The following PARP16 variants were observed in gnomAD, a reference collection of about 807,000 sequenced individuals.
The protein encoded by PARP16 is poly(ADP-ribose) polymerase family member 16.
In PARP16, 31 loss-of-function variants were observed where a neutral mutation model predicts 35.0. The ratio of observed to expected loss-of-function variants is 0.88; its 90% confidence interval spans 0.66 to 1.19. PARP16 has a LOEUF of 1.19. Among genes scored for constraint, PARP16 ranks in the 50% most tolerant of loss-of-function variants. PARP16 has a pLI of 0.00. For missense variants in PARP16, 424 were observed against 411.2 expected, an observed-to-expected ratio of 1.03 and a Z score of -0.27; for synonymous variants, 162 against 169.5, an observed-to-expected ratio of 0.96 and a Z score of 0.34.
At chr15:65,251,045 A>T (rs772197557) in intron 2 of PARP16, among the ~76,000 whole-genome samples, 1 of 151,692 alleles carries the variant, frequency 6.6e-6, no homozygotes, top group Non-Finnish European at 1.5e-5. Flanking sequence ...CACCATGCCC[A>T]GTTAATTTTT....
intron 2 of PARP16, among the ~76,000 whole-genome samples, chr15:65,268,898 G>T (rs1284229568): frequency 2.0e-5 from 3 of 151,982 alleles, no homozygotes; most frequent in Non-Finnish European, 2.9e-5. Flanking sequence ...GGGATTACAG[G>T]CATGTGCCAC....
chr15:65,243,160 T>TA (rs1442793526), intron 3 of PARP16, among the ~76,000 whole-genome samples: 1 of 152,234 alleles, frequency 6.6e-6, no homozygotes, highest in African/African-American at 2.4e-5. Flanking sequence ...GGACCCCCAG[T>TA]ATAATCTTGA....
In PARP16 at chr15:65,286,434, C is replaced by A. The variant is rs1214953475; in HGVS notation, c.-8G>T. On this transcript the variant is annotated 5_prime_UTR_variant, in exon 1 of 6. Transcript: ENST00000649807. ...CCAGCCTGAGGGCTGCATCCCAGGT[C>A]ACTGCGCGTTGCCGGGGTAGACGCG... 3 of 1,480,360 alleles carry A rather than the reference C, an allele frequency of 2.0e-6. No individual in the cohort carries two copies. Among genetic ancestry groups the A allele is most frequent in the South Asian group, 1.3e-5 (1 of 74,562 alleles). 91.7% of individuals were successfully genotyped at this position (1,480,360 alleles called of 1,614,324 possible).
intron 2 of PARP16, among the ~76,000 whole-genome samples, chr15:65,251,638 A>T (rs1192310179): frequency 1.3e-5 from 2 of 149,988 alleles, no homozygotes; most frequent in African/African-American, 2.4e-5. Flanking sequence ...TTTTGATGAG[A>T]TACTATTATC....
chr15:65,286,133 G>C (rs1363475565), intron 1 of PARP16, 120 bp downstream of exon 1: 3 of 811,034 alleles, frequency 3.7e-6, no homozygotes, highest in Non-Finnish European at 3.7e-6. Flanking sequence ...GACCAAGCTG[G>C]GAATGGAAAG....
rs576987575 is a variant in PARP16, at chr15:65,272,962, G to C, written c.175-1890C>G. Among the ~76,000 whole-genome samples, 3 of 152,250 alleles carry C rather than the reference G, an allele frequency of 2.0e-5. No individual in the cohort carries two copies. The South Asian group carries it at 6.2e-4, about 32-fold the overall frequency. ...GGCAACCTTTCCTTCTGCTTTGCAAGGGATGTAGTTGGCACTTCAAGAATA... is the reference window on the plus strand; with the variant it reads ...GGCAACCTTTCCTTCTGCTTTGCAACGGATGTAGTTGGCACTTCAAGAATA... On this transcript the variant is annotated intron_variant, in intron 1 of 5. Transcript: ENST00000649807.
At chr15:65,265,599 C>A (rs1170042002) in intron 3 of PARP16, among the ~76,000 whole-genome samples, 1 of 152,158 alleles carries the variant, frequency 6.6e-6, no homozygotes, top group African/African-American at 2.4e-5. Flanking sequence ...CTTGGCATAT[C>A]CCTCAGTTTC....
At chr15:65,286,101 A>G (rs1293469881) in intron 1 of PARP16, 152 bp downstream of exon 1, 4 of 600,216 alleles carry the variant, frequency 6.7e-6, no homozygotes, top group Admixed American at 7.6e-5. Flanking sequence ...AGCTCATGGA[A>G]ACCTTCCCCA....
downstream of PARP16, among the ~76,000 whole-genome samples, chr15:65,231,880 T>C (rs973064799): frequency 9.9e-5 from 15 of 152,232 alleles, no homozygotes; most frequent in African/African-American, 3.6e-4. Flanking sequence ...GATCACTTTT[T>C]ATTTCTGCCT....
chr15:65,239,886 G>A (rs2089003223), intron 3 of PARP16, among the ~76,000 whole-genome samples: 1 of 147,030 alleles, frequency 6.8e-6, no homozygotes, highest in African/African-American at 2.5e-5. Flanking sequence ...TCGATCTCCT[G>A]ACTTCATGAT....
At chr15:65,285,560 C>G (rs188493916) in intron 1 of PARP16, 51 of 360,560 alleles carry the variant, frequency 1.4e-4, no homozygotes, top group African/African-American at 1.0e-3. Flanking sequence ...AGGGAGACTG[C>G]CACACTTGAC....
downstream of PARP16, among the ~76,000 whole-genome samples, chr15:65,256,395 C>T (rs1169881838): frequency 6.7e-6 from 1 of 148,370 alleles, no homozygotes; most frequent in African/African-American, 2.5e-5. Flanking sequence ...AATGGCTTTC[C>T]TCTGCCCACG....
chr15:65,234,103 C>T (rs758682247), downstream of PARP16, among the ~76,000 whole-genome samples: 9 of 152,166 alleles, frequency 5.9e-5, no homozygotes, highest in Non-Finnish European at 4.4e-5. Context: ...AACTTCTCCT[C>T]GGGAAAATGC....
chr15:65,273,276 C>CAAAAAAAAAAAAAAAAAAAAAA lies in PARP16; in HGVS notation c.175-2205_175-2204insTTTTTTTTTTTTTTTTTTTTTT, dbSNP rs1233896826. Among the ~76,000 whole-genome samples the CAAAAAAAAAAAAAAAAAAAAAA allele has an allele frequency of 7.0e-4, 40 of 57,500 alleles. 2 individuals are homozygous for CAAAAAAAAAAAAAAAAAAAAAA. The highest frequency in any genetic ancestry group is 1.2e-3 in the Non-Finnish European group (34 of 28,730). 37.7% of individuals were successfully genotyped at this position (57,500 alleles called of 152,430 possible). A position where few individuals can be genotyped will look rare whatever the true frequency, so the allele number is the denominator to read the frequency against. On this transcript the variant is annotated intron_variant, in intron 1 of 5. Coordinates refer to ENST00000649807, the MANE Select transcript of PARP16 (RefSeq NM_001316943.2). ...CTGGTGACAGAGAGAGACTCTGTCT[C>CAAAAAAAAAAAAAAAAAAAAAA]AAAAAAAAAAAAAAAAAAGAATACC...
chr15:65,257,544 T>C (rs1416437141), downstream of PARP16, among the ~76,000 whole-genome samples: 3 of 149,602 alleles, frequency 2.0e-5, no homozygotes, highest in Non-Finnish European at 4.4e-5. Flanking sequence ...GCAGGAAAAC[T>C]GCTTGAACCC....
downstream of PARP16, among the ~76,000 whole-genome samples, chr15:65,232,332 T>C (rs1425524025): frequency 6.6e-6 from 1 of 152,158 alleles, no homozygotes; most frequent in African/African-American, 2.4e-5. Flanking sequence ...TGGAGTTTGC[T>C]CCTATCAGCT....
At chr15:65,260,320 G>A (rs1263520235) in intron 5 of PARP16, among the ~76,000 whole-genome samples, 9 of 152,110 alleles carry the variant, frequency 5.9e-5, no homozygotes, top group Non-Finnish European at 5.9e-5. Context: ...CCCAACGCTG[G>A]TGAGCCCCAC....
chr15:65,261,373 A>G (rs148427712), intron 4 of PARP16, among the ~76,000 whole-genome samples: 2,074 of 149,004 alleles, frequency 0.014, 45 homozygotes, highest in African/African-American at 0.043. Flanking sequence ...GCCTCTTAAC[A>G]GGCATTTTAT....
rs1192569521 is a variant in PARP16, at chr15:65,261,023, G to C, written c.695C>G (p.Ser232Cys). ...CGCTCGTCTGCGATCTATCTCCTTG[G>C]AATCTGAATAAGGAGAGTAAAACAC... ...DVKCQTKKKD[S>C]KEIDRRRARI... The change falls in exon 5 of 6, where the codon TCC (serine) becomes TGC (cysteine). Residue 232 changes from serine to cysteine, a missense_variant. Physicochemically the swap from Ser to Cys is moderately radical, Grantham distance 112. Coordinates refer to ENST00000649807, the MANE Select transcript of PARP16 (RefSeq NM_001316943.2). 1.2e-6 allele frequency: 2 copies of C among 1,612,956 alleles called. No homozygotes were observed. The highest frequency in any genetic ancestry group is 1.7e-6 in the Non-Finnish European group (2 of 1,179,334).
Sources: gnomAD v4.1 joint callset for allele counts (sites outside exome capture counted in the v4.1 genomes callset) on GRCh38, gnomAD v4.1.1 for gene constraint, MANE v1.5 for transcripts, NCBI Gene and HGNC (gene_info 2026-07-23, HGNC 2026-07-21) for gene names.